YWHAZ: variants seen among roughly 807,000 people sequenced by gnomAD.
YWHAZ encodes the protein 14-3-3 protein zeta/delta.
For missense variants in YWHAZ, 79 were observed against 284.8 expected (o/e 0.28, Z 5.20); for synonymous variants, 87 against 103.6 (o/e 0.84, Z 0.97).
At chr8:100,927,451 G>A (rs1035945514) in intron 2 of YWHAZ, among the ~76,000 whole-genome samples, 2 of 152,184 alleles carry the variant, frequency 1.3e-5, no homozygotes, top group Admixed American at 6.5e-5. Flanking sequence ...CTGAGTCCAG[G>A]AGTTTGAGGC....
rs1386799436 is a variant in YWHAZ, at chr8:100,916,883, A to C, written c.*3810T>G. ...TACTACCAGTCACATAAAAGTATTT[A>C]ATTAGTTTCACACTTAGAAAAGAAT... On this transcript the variant is annotated 3_prime_UTR_variant, in exon 6 of 6. Coordinates refer to ENST00000395958, the MANE Select transcript of YWHAZ (RefSeq NM_145690.3). 5 of 142,748 alleles carry C rather than the reference A, an allele frequency of 3.5e-5. No individual in the cohort carries two copies. In the East Asian group the frequency reaches 1.1e-3, roughly 33 times the overall value. 8.8% of individuals were successfully genotyped at this position (142,748 alleles called of 1,614,324 possible). A position where few individuals can be genotyped will look rare whatever the true frequency, so the allele number is the denominator to read the frequency against.
intron 2 of YWHAZ, among the ~76,000 whole-genome samples, chr8:100,927,177 A>G (rs956231047): frequency 6.6e-6 from 1 of 152,204 alleles, no homozygotes; most frequent in African/African-American, 2.4e-5. Context: ...TATTCTGGTA[A>G]TTCATAATCT....
At position 100,948,516 on chromosome 8, in the gene YWHAZ, A is replaced by G. The variant is rs983524949; in HGVS notation, c.294+80T>C. On this transcript the variant is annotated intron_variant, in intron 2 of 5. Coordinates refer to ENST00000395958, the MANE Select transcript of YWHAZ (RefSeq NM_145690.3). This position sits in a 1 kb window ranked among gnomAD's most constrained non-coding sequence, Gnocchi z 4.2. ...AATGTTTAGAAGGAAAAGAAAAACC[A>G]AACAAAAAGTTAAGAGTAATGTAAC... The G allele has an allele frequency of 3.4e-6, 5 of 1,465,722 alleles. No homozygotes were observed. Among genetic ancestry groups the G allele is most frequent in the African/African-American group, 1.4e-5 (1 of 70,688 alleles). 90.8% of individuals were successfully genotyped at this position (1,465,722 alleles called of 1,614,324 possible). A position where few individuals can be genotyped will look rare whatever the true frequency, so the allele number is the denominator to read the frequency against.
intron 1 of YWHAZ, chr8:100,951,556 G>C: frequency 1.0e-6 from 1 of 985,440 alleles, no homozygotes; most frequent in South Asian, 4.7e-5. Context: ...CAGAGACAAG[G>C]GTGGGGATGG....
At chr8:100,930,365 G>T (rs942049625) in intron 2 of YWHAZ, among the ~76,000 whole-genome samples, 2 of 152,132 alleles carry the variant, frequency 1.3e-5, no homozygotes, top group African/African-American at 4.8e-5. Flanking sequence ...CCAAAGTGCT[G>T]GGATTACAGG....
chr8:100,941,036 T>A (rs1431100311), intron 2 of YWHAZ, among the ~76,000 whole-genome samples: 1 of 147,182 alleles, frequency 6.8e-6, no homozygotes, highest in African/African-American at 2.7e-5. Context: ...TCGTTACTCT[T>A]ACAAAAAGCA....
At chr8:100,945,597 T>C (rs1425501252) in intron 2 of YWHAZ, among the ~76,000 whole-genome samples, 1 of 152,064 alleles carries the variant, frequency 6.6e-6, no homozygotes, top group Non-Finnish European at 1.5e-5. Context: ...AAAAATATAA[T>C]TTAAAATATT....
At chr8:100,929,148 A>G (rs1232061779) in intron 2 of YWHAZ, among the ~76,000 whole-genome samples, 3 of 152,176 alleles carry the variant, frequency 2.0e-5, no homozygotes, top group Admixed American at 6.5e-5. Flanking sequence ...ACATGCATAC[A>G]ATATATAATG....
intron 1 of YWHAZ, among the ~76,000 whole-genome samples, chr8:100,949,798 T>C (rs191687787): frequency 1.6e-3 from 240 of 152,334 alleles, no homozygotes; most frequent in African/African-American, 5.4e-3. Context: ...TGACTACCCA[T>C]CTAATTCTCT....
At chr8:100,951,415 AGGAGGGGGCGGCCGAGGGAGAGG>A (rs1269133080) in intron 1 of YWHAZ, 395 of 978,412 alleles carry the variant, frequency 4.0e-4, no homozygotes, top group East Asian at 1.8e-3. Flanking sequence ...GGGGAGGGAA[AGGAGGGGGCGGCCGAGGGAGAGG>A]GGAGGGGGCG....
intron 2 of YWHAZ, among the ~76,000 whole-genome samples, chr8:100,927,013 C>T (rs535719815): frequency 6.6e-6 from 1 of 152,298 alleles, no homozygotes; most frequent in South Asian, 2.1e-4. Flanking sequence ...GTGTGAACTA[C>T]TTAATCTCAA....
Position 100,924,457 on chromosome 8 carries a change from C to CT in YWHAZ, c.419-160dup, listed in dbSNP as rs1333051019. The CT allele has an allele frequency of 1.5e-6, 1 of 663,196 alleles. No homozygotes were observed. Among genetic ancestry groups the CT allele is most frequent in the Non-Finnish European group, 2.4e-6 (1 of 413,376 alleles). 41.1% of individuals were successfully genotyped at this position (663,196 alleles called of 1,614,324 possible). On this transcript the variant is annotated intron_variant, in intron 3 of 5. Transcript: ENST00000395958. This position sits in a 1 kb window ranked among gnomAD's most constrained non-coding sequence, Gnocchi z 5.7. ...GGTCCTTTTTTTTTTTTAAAGGGAGCTTTCTCCTGGTACACACTAGCCATT... is the reference window on the plus strand; with the variant it reads ...GGTCCTTTTTTTTTTTTAAAGGGAGCTTTTCTCCTGGTACACACTAGCCATT...
At chr8:100,943,033 A>G (rs1377002430) in intron 2 of YWHAZ, among the ~76,000 whole-genome samples, 1 of 152,232 alleles carries the variant, frequency 6.6e-6, no homozygotes, top group African/African-American at 2.4e-5. Flanking sequence ...ATAGGGAACC[A>G]ATGATATGGG....
At chr8:100,929,074 CTTTTAAAAAAA>C (rs1813576246) in intron 2 of YWHAZ, among the ~76,000 whole-genome samples, 1 of 151,932 alleles carries the variant, frequency 6.6e-6, no homozygotes, top group Non-Finnish European at 1.5e-5. Flanking sequence ...TCATCTGTTT[CTTTTAAAAAAA>C]TTTTAATTGA....
Position 100,922,609 on chromosome 8 carries a change from C to T in YWHAZ, c.678+1346G>A, listed in dbSNP as rs1468320487. On this transcript the variant is annotated intron_variant, in intron 5 of 5. Coordinates refer to ENST00000395958, the MANE Select transcript of YWHAZ (RefSeq NM_145690.3). This position sits in a 1 kb window ranked among gnomAD's most constrained non-coding sequence, Gnocchi z 4.1. ...CCATCTTGGCCAAGCTGTTCCTGAA[C>T]TCCTGACCTGGTGATCCGCCCGCCT... is the stretch of plus-strand genomic sequence containing the variant. The T allele has an allele frequency of 6.6e-6, 1 of 152,274 alleles. No individual in the cohort carries two copies. The highest frequency in any genetic ancestry group is 2.4e-5 in the African/African-American group (1 of 41,446). The allele number at this position is 152,274 out of a possible 1,614,324, so 9.4% of individuals were successfully genotyped here.
chr8:100,951,995 A>G lies in YWHAZ; in HGVS notation c.-78T>C. 2 of 1,003,688 alleles carry G rather than the reference A, an allele frequency of 2.0e-6. No individual in the cohort carries two copies. The highest frequency in any genetic ancestry group is 2.4e-6 in the Non-Finnish European group (2 of 842,564). The allele number at this position is 1,003,688 out of a possible 1,614,324, so 62.2% of individuals were successfully genotyped here. A position where few individuals can be genotyped will look rare whatever the true frequency, so the allele number is the denominator to read the frequency against. On this transcript the variant is annotated 5_prime_UTR_variant, in exon 1 of 6. Transcript: ENST00000395958. ...GCAGTCTCTGGGCGGCGGCGGCGGC[A>G]GCAGCGGCGAGGCTGAGACTCTGTC...
In YWHAZ at chr8:100,930,765, T is replaced by C. The variant is rs148142462; in HGVS notation, c.295-5726A>G. 2.4e-3 allele frequency among the ~76,000 whole-genome samples: 360 copies of C among 152,340 alleles called. 3 individuals carry two copies. Among genetic ancestry groups the C allele is most frequent in the African/African-American group, 7.7e-3 (322 of 41,582 alleles). The stretch of plus-strand genomic sequence containing the variant: ...CCCTGCTCCCATTAACTTTTAAATA[T>C]GTTTTTTCATGACAGCCACTGTCTT... On this transcript the variant is annotated intron_variant, in intron 2 of 5. Coordinates refer to ENST00000395958, the MANE Select transcript of YWHAZ (RefSeq NM_145690.3).
rs916480593 is a variant in YWHAZ, at chr8:100,948,113, G to A, written c.294+483C>T. ...CAATGCAGGAAGAGGTTTCATAGTT[G>A]TGACGCCAGAGTTTTCTGCATGGTT... On this transcript the variant is annotated intron_variant, in intron 2 of 5. Coordinates refer to ENST00000395958, the MANE Select transcript of YWHAZ (RefSeq NM_145690.3). This position sits in a 1 kb window ranked among gnomAD's most constrained non-coding sequence, Gnocchi z 4.2. 9 of 1,534,858 alleles carry A rather than the reference G, an allele frequency of 5.9e-6. No individual in the cohort carries two copies. In the African/African-American group the frequency reaches 9.6e-5, roughly 16 times the overall value.
chr8:100,948,121 A>G lies in YWHAZ; in HGVS notation c.294+475T>C, dbSNP rs1810443599. 1 of 1,534,754 alleles carries G rather than the reference A, an allele frequency of 6.5e-7. No homozygotes were observed. The highest frequency in any genetic ancestry group is 8.7e-7 in the Non-Finnish European group (1 of 1,146,554). ...GAAGAGGTTTCATAGTTGTGACGCC[A>G]GAGTTTTCTGCATGGTTGACTCATT... On this transcript the variant is annotated intron_variant, in intron 2 of 5. Coordinates refer to ENST00000395958, the MANE Select transcript of YWHAZ (RefSeq NM_145690.3). The surrounding 1 kb of genome is among the most constrained non-coding windows in gnomAD (Gnocchi z 4.2).
Sources: gnomAD v4.1 joint callset for allele counts (sites outside exome capture counted in the v4.1 genomes callset) on GRCh38, gnomAD v4.1.1 for gene constraint, Gnocchi (gnomAD v3.1) non-coding constraint, MANE v1.5 for transcripts, NCBI Gene and HGNC (gene_info 2026-07-23, HGNC 2026-07-21) for gene names.